COL5A2: variants seen among roughly 807,000 people sequenced by gnomAD.
The protein encoded by COL5A2 is collagen type V alpha 2 chain, also known as collagen alpha-2(V) chain.
COL5A2 carries 23 observed loss-of-function variants against 208.2 expected under a neutral mutation model. That is an observed-to-expected ratio of 0.11 (90% CI 0.08 to 0.16). COL5A2 has a LOEUF of 0.16. Ranked by LOEUF, COL5A2 falls within the 10% of genes least tolerant of loss-of-function variation. COL5A2 has a pLI of 1.00. For missense variants in COL5A2, 1,590 were observed against 1,956.4 expected, an observed-to-expected ratio of 0.81 and a Z score of 3.53; for synonymous variants, 625 against 628.5, an observed-to-expected ratio of 0.99 and a Z score of 0.08.
At chr2:189,423,043 A>G in the COL5A2 span, among the ~76,000 whole-genome samples, 8 of 151,540 alleles carry the variant, frequency 5.3e-5, no homozygotes, top group African/African-American at 1.9e-4. Context: ...AAAAAAAAGA[A>G]AGAAAAGAAA....
At chr2:189,175,598 C>G (rs527357684) in intron 1 of COL5A2, among the ~76,000 whole-genome samples, 34 of 146,736 alleles carry the variant, frequency 2.3e-4, no homozygotes, top group African/African-American at 8.5e-4. Flanking sequence ...GACTGGAGTG[C>G]AGTGGCACGG....
At chr2:189,078,383 C>G (rs919506248) in intron 16 of COL5A2, 133 bp downstream of exon 16, 1 of 663,172 alleles carries the variant, frequency 1.5e-6, no homozygotes, top group Non-Finnish European at 2.5e-6. Context: ...TGACTTTATT[C>G]CAAAAGAAAA....
At chr2:189,120,695 G>C (rs1687483003) in intron 1 of COL5A2, among the ~76,000 whole-genome samples, 1 of 152,098 alleles carries the variant, frequency 6.6e-6, no homozygotes, top group African/African-American at 2.4e-5. Context: ...ATAGCAGAGA[G>C]AAAGTGGAAA....
the COL5A2 span, among the ~76,000 whole-genome samples, chr2:189,397,041 G>A: frequency 2.6e-5 from 4 of 151,226 alleles, no homozygotes; most frequent in East Asian, 7.8e-4. Context: ...AACGTTTCTA[G>A]CATAGAGCCA....
the COL5A2 span, among the ~76,000 whole-genome samples, chr2:189,353,029 C>T: frequency 6.6e-5 from 10 of 152,274 alleles, no homozygotes; most frequent in Non-Finnish European, 1.3e-4. Context: ...TTCCCAACGC[C>T]ATTTATTAAA....
At chr2:189,071,651 C>T (rs1223179059) in intron 18 of COL5A2, among the ~76,000 whole-genome samples, 1 of 152,160 alleles carries the variant, frequency 6.6e-6, no homozygotes, top group Non-Finnish European at 1.5e-5. Context: ...TTTATTTTAA[C>T]CTCCTAACCT....
rs1222767105 is a variant in COL5A2, at chr2:189,064,463, A to G, written c.1716+94T>C. 3 of 880,944 alleles carry G rather than the reference A, an allele frequency of 3.4e-6. No individual in the cohort carries two copies. The East Asian group carries it at 7.4e-5, about 22-fold the overall frequency. 54.6% of individuals were successfully genotyped at this position (880,944 alleles called of 1,614,324 possible). On this transcript the variant is annotated intron_variant, in intron 25 of 53. Coordinates refer to ENST00000374866, the MANE Select transcript of COL5A2 (RefSeq NM_000393.5). ...CAAAGAAATGTTCTAAACTGTAAAA[A>G]CAAACTAAATTTAAAAACAAACAAA...
chr2:189,090,949 C>A (rs927129435), intron 7 of COL5A2, among the ~76,000 whole-genome samples: 1 of 152,244 alleles, frequency 6.6e-6, no homozygotes, highest in African/African-American at 2.4e-5. Flanking sequence ...ATACAAAAAC[C>A]ATTTTGCAGC....
chr2:189,295,746 A>G, the COL5A2 span, among the ~76,000 whole-genome samples: 1 of 152,256 alleles, frequency 6.6e-6, no homozygotes, highest in Non-Finnish European at 1.5e-5. Flanking sequence ...CGTTTCTAGC[A>G]GTATAAACTT....
At chr2:189,395,701 C>T in the COL5A2 span, among the ~76,000 whole-genome samples, 4 of 151,280 alleles carry the variant, frequency 2.6e-5, no homozygotes, top group Non-Finnish European at 4.4e-5. Context: ...GTCAGGAGTT[C>T]GAAATCATCC....
chr2:189,290,137 A>C, the COL5A2 span, among the ~76,000 whole-genome samples: 2 of 152,204 alleles, frequency 1.3e-5, no homozygotes, highest in African/African-American at 4.8e-5. Flanking sequence ...CAGCCACATA[A>C]ACCAAAGGAA....
the COL5A2 span, among the ~76,000 whole-genome samples, chr2:189,312,624 T>C: frequency 2.0e-4 from 31 of 152,114 alleles, no homozygotes; most frequent in African/African-American, 7.5e-4. Context: ...ATCCCATTTC[T>C]CCTGACTGGG....
chr2:189,105,011 T>C (rs1167954654), intron 2 of COL5A2, among the ~76,000 whole-genome samples: 2 of 151,786 alleles, frequency 1.3e-5, no homozygotes, highest in East Asian at 3.9e-4. Context: ...GGATTGTTTC[T>C]AATCTTTTGT....
chr2:189,215,881 T>C (rs1230335262), intron 1 of COL5A2, among the ~76,000 whole-genome samples: 1 of 152,164 alleles, frequency 6.6e-6, no homozygotes, highest in Non-Finnish European at 1.5e-5. Context: ...TCTTCCAAAG[T>C]AGGAAAGCTC....
chr2:189,092,119 T>C (rs1056679314), intron 7 of COL5A2, among the ~76,000 whole-genome samples, 191 bp downstream of exon 7: 2 of 152,172 alleles, frequency 1.3e-5, no homozygotes, highest in Non-Finnish European at 2.9e-5. Context: ...CTTTAGAAAA[T>C]ACTTCTTCCA....
chr2:189,298,743 C>A, the COL5A2 span, among the ~76,000 whole-genome samples: 3 of 152,176 alleles, frequency 2.0e-5, no homozygotes, highest in African/African-American at 7.2e-5. Flanking sequence ...CCCTCCTTCT[C>A]CCAGTTTGGC....
chr2:189,129,497 A>T (rs189071816), intron 1 of COL5A2, among the ~76,000 whole-genome samples: 1 of 152,194 alleles, frequency 6.6e-6, no homozygotes. Context: ...AATGGTGTAA[A>T]TAAAATAATA....
At chr2:189,355,010 T>C in the COL5A2 span, among the ~76,000 whole-genome samples, 1 of 152,222 alleles carries the variant, frequency 6.6e-6, no homozygotes, top group African/African-American at 2.4e-5. Flanking sequence ...AAAGAACATC[T>C]CTATTTCTGC....
At chr2:189,244,924 G>A in the COL5A2 span, among the ~76,000 whole-genome samples, 8 of 152,192 alleles carry the variant, frequency 5.3e-5, no homozygotes, top group South Asian at 2.1e-4. Context: ...CAATCATGGC[G>A]GAAGGCATGG....
Sources: gnomAD v4.1 joint callset for allele counts (sites outside exome capture counted in the v4.1 genomes callset) on GRCh38, gnomAD v4.1.1 for gene constraint, MANE v1.5 for transcripts, NCBI Gene and HGNC (gene_info 2026-07-23, HGNC 2026-07-21) for gene names.